NELL2: variants seen among roughly 807,000 people sequenced by gnomAD.
NELL2 encodes the protein neural EGFL like 2.
NELL2 carries 41 observed loss-of-function variants against 109.6 expected under a neutral mutation model. The observed-to-expected ratio is 0.37, with a 90% CI of 0.29 to 0.49. The LOEUF is 0.49. Among genes scored for constraint, NELL2 ranks in the 20% least tolerant of loss-of-function variants. The pLI is 0.98. For missense variants in NELL2, 900 were observed against 1,008.3 expected (o/e 0.89, Z 1.45); for synonymous variants, 355 against 344.7 (o/e 1.03, Z -0.33).
intron 15 of NELL2, among the ~76,000 whole-genome samples, chr12:44,556,476 T>C (rs1165609232): frequency 6.6e-6 from 1 of 152,118 alleles, no homozygotes; most frequent in Non-Finnish European, 1.5e-5. Context: ...CCAATGGTAC[T>C]AGAAATAGGG....
intron 1 of NELL2, among the ~76,000 whole-genome samples, chr12:44,895,742 A>T (rs1302041522): frequency 6.6e-6 from 1 of 152,112 alleles, no homozygotes. Flanking sequence ...CTTTAATTAG[A>T]TATTACCACT....
At chr12:44,614,763 A>G (rs11182560) in intron 13 of NELL2, among the ~76,000 whole-genome samples, 7,307 of 152,140 alleles carry the variant, frequency 0.048, 617 homozygotes, top group African/African-American at 0.17. Context: ...AGCTGTTTGC[A>G]GAATGAATGT....
chr12:44,685,242 C>A (rs1473152791), intron 12 of NELL2, among the ~76,000 whole-genome samples: 3 of 151,962 alleles, frequency 2.0e-5, no homozygotes, highest in Non-Finnish European at 4.4e-5. Flanking sequence ...GCAACCCCTG[C>A]CTTTTTTTGT....
intron 12 of NELL2, among the ~76,000 whole-genome samples, chr12:44,671,893 C>T (rs530113759): frequency 9.2e-5 from 14 of 152,300 alleles, no homozygotes; most frequent in African/African-American, 2.2e-4. Context: ...GAGAGGGTCC[C>T]ATCAACAAGT....
At chr12:44,760,371 T>C (rs1297504885) in intron 9 of NELL2, among the ~76,000 whole-genome samples, 1 of 152,166 alleles carries the variant, frequency 6.6e-6, no homozygotes, top group African/African-American at 2.4e-5. Context: ...TTCCAAGCTA[T>C]TAAATCAATT....
At chr12:44,547,717 G>C (rs1942857126) in intron 15 of NELL2, among the ~76,000 whole-genome samples, 1 of 152,114 alleles carries the variant, frequency 6.6e-6, no homozygotes, top group Admixed American at 6.5e-5. Context: ...AGATGGTCAA[G>C]GCAATCTCAT....
At chr12:44,593,136 A>G (rs1010300975) in intron 15 of NELL2, among the ~76,000 whole-genome samples, 4 of 152,228 alleles carry the variant, frequency 2.6e-5, no homozygotes, top group African/African-American at 9.6e-5. Context: ...GCATAGTGCT[A>G]AATGTCCAAG....
In NELL2 at chr12:44,903,769, T is replaced by C. The variant is rs1186870265; in HGVS notation, c.38+10030A>G. ...TGGATGAAGCTGGAAACGATCATTCTCAGCAAACTAACACAGGAACAGATA... is the reference window on the plus strand; with the variant it reads ...TGGATGAAGCTGGAAACGATCATTCCCAGCAAACTAACACAGGAACAGATA... On this transcript the variant is annotated intron_variant, in intron 1 of 20. Transcript: ENST00000333837. 1.2e-4 allele frequency among the ~76,000 whole-genome samples: 18 copies of C among 151,574 alleles called. No homozygotes were observed. The Admixed American group carries it at 1.2e-3, about 10-fold the overall frequency.
intron 15 of NELL2, among the ~76,000 whole-genome samples, chr12:44,562,132 G>A (rs973138345): frequency 1.3e-5 from 2 of 152,104 alleles, no homozygotes; most frequent in Admixed American, 6.6e-5. Context: ...ACTGAAACTG[G>A]ACTCCTTCCT....
chr12:44,911,754 C>A (rs1945782396), intron 1 of NELL2, among the ~76,000 whole-genome samples: 1 of 151,540 alleles, frequency 6.6e-6, no homozygotes, highest in African/African-American at 2.4e-5. Context: ...TGTATGTAAG[C>A]AAAATATATA....
intron 2 of NELL2, among the ~76,000 whole-genome samples, chr12:44,849,647 A>G (rs1010694739): frequency 6.6e-5 from 10 of 152,222 alleles, no homozygotes; most frequent in African/African-American, 2.4e-4. Context: ...ACAGACATTT[A>G]TCCAAAAGGA....
chr12:44,683,710 G>A (rs1235598467), intron 12 of NELL2, among the ~76,000 whole-genome samples: 1 of 152,116 alleles, frequency 6.6e-6, no homozygotes, highest in East Asian at 1.9e-4. Context: ...CTGTTTATAT[G>A]CTGGATTACA....
At chr12:44,515,210 AAAAT>A (rs1334566584) in intron 19 of NELL2, among the ~76,000 whole-genome samples, 25 of 151,878 alleles carry the variant, frequency 1.6e-4, no homozygotes, top group Non-Finnish European at 4.4e-5. Context: ...CACTAGGTGA[AAAAT>A]AAGAACAATA....
intron 15 of NELL2, among the ~76,000 whole-genome samples, chr12:44,564,377 G>A (rs1319934381): frequency 6.6e-6 from 1 of 152,170 alleles, no homozygotes; most frequent in Non-Finnish European, 1.5e-5. Context: ...ATTATCAAAG[G>A]GAAAGCGAAA....
At chr12:44,800,841 G>C (rs1942803503) in intron 3 of NELL2, among the ~76,000 whole-genome samples, 1 of 152,176 alleles carries the variant, frequency 6.6e-6, no homozygotes, top group Non-Finnish European at 1.5e-5. Context: ...AGAAGTTCTA[G>C]GCAGACTGTA....
At chr12:44,619,014 T>C (rs769444590) in intron 13 of NELL2, among the ~76,000 whole-genome samples, 5 of 152,302 alleles carry the variant, frequency 3.3e-5, no homozygotes, top group Non-Finnish European at 7.4e-5. Flanking sequence ...CCTTCAGTGC[T>C]TTAAAATATA....
In NELL2 at chr12:44,776,988, T is replaced by C. The variant is rs1420260575; in HGVS notation, c.762+54A>G. On this transcript the variant is annotated intron_variant, in intron 7 of 19. Coordinates refer to ENST00000429094, the MANE Select transcript of NELL2 (RefSeq NM_001145108.2). ...AATCTATGGTTATAAATGGAAGTAT[T>C]GGGAACATCAAGGATTTTTAAGCTT... is the stretch of plus-strand genomic sequence containing the variant. 2.1e-6 allele frequency: 3 copies of C among 1,454,692 alleles called. No homozygotes were observed. In the African/African-American group the frequency reaches 4.2e-5, roughly 20 times the overall value. 90.1% of individuals were successfully genotyped at this position (1,454,692 alleles called of 1,614,324 possible).
intron 9 of NELL2, among the ~76,000 whole-genome samples, chr12:44,725,698 G>T (rs1460066402): frequency 1.3e-5 from 2 of 152,108 alleles, no homozygotes; most frequent in Admixed American, 1.3e-4. Flanking sequence ...TGTCTGTTGT[G>T]GGAACATGGA....
intron 2 of NELL2, among the ~76,000 whole-genome samples, chr12:44,837,295 G>C (rs1252864383): frequency 1.3e-5 from 2 of 152,140 alleles, no homozygotes; most frequent in East Asian, 3.9e-4. Context: ...TTGTTGTGGG[G>C]AGCTTCTGTG....
Sources: allele counts gnomAD v4.1 joint callset (sites outside exome capture counted in the v4.1 genomes callset), GRCh38; gene constraint gnomAD v4.1.1; transcripts MANE v1.5; gene names NCBI Gene and HGNC (gene_info 2026-07-23, HGNC 2026-07-21).